CLNK: variants seen among roughly 807,000 people sequenced by gnomAD.
CLNK encodes the protein cytokine dependent hematopoietic cell linker, also known as cytokine-dependent hematopoietic cell linker.
Under a neutral mutation model 68.6 loss-of-function variants are expected in CLNK, and 74 were observed. The observed-to-expected ratio is 1.08, with a 90% CI of 0.89 to 1.31. The LOEUF is 1.31. Ranked by LOEUF, CLNK falls within the 50% of genes most tolerant of loss-of-function variation. CLNK has a pLI of 0.00. For synonymous variants in CLNK, 198 were observed against 172.2 expected (o/e 1.15, Z -1.17); for missense variants, 553 against 515.3 (o/e 1.07, Z -0.71).
At chr4:10,651,542 C>T (rs1351483900) in intron 2 of CLNK, among the ~76,000 whole-genome samples, 1 of 152,066 alleles carries the variant, frequency 6.6e-6, no homozygotes. Flanking sequence ...ACACTGGGGC[C>T]TGAATTTATG....
At chr4:10,511,946 T>C (rs140399649) in intron 16 of CLNK, among the ~76,000 whole-genome samples, 127 of 152,324 alleles carry the variant, frequency 8.3e-4, no homozygotes, top group African/African-American at 2.7e-3. Flanking sequence ...AGAGTAGTGA[T>C]ATAAAGTGAA....
At chr4:10,683,497 C>A (rs1725163956) in intron 1 of CLNK, among the ~76,000 whole-genome samples, 1 of 152,178 alleles carries the variant, frequency 6.6e-6, no homozygotes, top group Admixed American at 6.5e-5. Context: ...AATCAGTCAG[C>A]CAGGAAAATC....
intron 3 of CLNK, among the ~76,000 whole-genome samples, chr4:10,596,827 C>T (rs977392774): frequency 2.6e-5 from 4 of 152,032 alleles, no homozygotes; most frequent in African/African-American, 9.7e-5. Context: ...GTCTTTTTTC[C>T]TCCAAATGTA....
chr4:10,656,545 A>T (rs1723997830), intron 2 of CLNK: 1 of 152,172 alleles, frequency 6.6e-6, no homozygotes. Context: ...GTATGGAAGG[A>T]CTGGCATGAC....
chr4:10,709,075 A>T, the CLNK span, among the ~76,000 whole-genome samples: 2 of 152,232 alleles, frequency 1.3e-5, no homozygotes, highest in Admixed American at 6.5e-5. Flanking sequence ...TAAAAGCTTC[A>T]TATTAATAAG....
chr4:10,674,817 C>T (rs1223509335), intron 1 of CLNK, among the ~76,000 whole-genome samples: 1 of 152,182 alleles, frequency 6.6e-6, no homozygotes, highest in Non-Finnish European at 1.5e-5. Flanking sequence ...GATTTGATTT[C>T]ATTGTTCAAC....
chr4:10,684,625 A>G (rs1473661843), intron 1 of CLNK, 43 bp downstream of exon 1: 1 of 152,144 alleles, frequency 6.6e-6, no homozygotes, highest in Non-Finnish European at 1.5e-5. Flanking sequence ...CAAGGAGATG[A>G]CCATGAGATC....
chr4:10,540,717 C>G, intron 10 of CLNK, 113 bp from the exon 11 acceptor site: 3 of 721,764 alleles, frequency 4.2e-6, no homozygotes, highest in Admixed American at 4.8e-5. Flanking sequence ...GTTGAAAATG[C>G]TAGTTTTTGG....
chr4:10,524,117 G>T (rs1203532131), intron 14 of CLNK, among the ~76,000 whole-genome samples: 1 of 151,292 alleles, frequency 6.6e-6, no homozygotes, highest in African/African-American at 2.4e-5. Flanking sequence ...AGGAGGAGGA[G>T]GATGATATTG....
intron 2 of CLNK, among the ~76,000 whole-genome samples, chr4:10,663,026 C>G (rs1010357410): frequency 6.6e-6 from 1 of 152,214 alleles, no homozygotes; most frequent in Non-Finnish European, 1.5e-5. Flanking sequence ...AGGGCATTGG[C>G]TTACTGGAAA....
At chr4:10,614,430 C>T (rs1002109348) in intron 2 of CLNK, among the ~76,000 whole-genome samples, 13 of 152,210 alleles carry the variant, frequency 8.5e-5, no homozygotes, top group South Asian at 4.2e-4. Context: ...AACTCTCCTC[C>T]GCAGACTTAG....
intron 2 of CLNK, among the ~76,000 whole-genome samples, chr4:10,617,945 G>T (rs1451026444): frequency 1.3e-5 from 2 of 152,282 alleles, no homozygotes; most frequent in East Asian, 3.9e-4. Flanking sequence ...AAGAGGAAAT[G>T]AGCTTCTACA....
At chr4:10,566,719 C>T (rs1720129296) in intron 5 of CLNK, among the ~76,000 whole-genome samples, 1 of 152,010 alleles carries the variant, frequency 6.6e-6, no homozygotes, top group South Asian at 2.1e-4. Flanking sequence ...TGCGGTGGCT[C>T]ATGCTTGTAA....
intron 11 of CLNK, among the ~76,000 whole-genome samples, chr4:10,535,986 G>A (rs1016147418): frequency 1.3e-5 from 2 of 152,144 alleles, no homozygotes; most frequent in African/African-American, 4.8e-5. Context: ...GAATGACTGG[G>A]GTGACGTTTT....
chr4:10,700,337 G>A, the CLNK span, among the ~76,000 whole-genome samples: 1 of 152,162 alleles, frequency 6.6e-6, no homozygotes, highest in African/African-American at 2.4e-5. Flanking sequence ...ATAGCTAGCA[G>A]GAGGAACGTG....
chr4:10,617,094 C>A (rs1400814867), intron 2 of CLNK, among the ~76,000 whole-genome samples: 1 of 151,884 alleles, frequency 6.6e-6, no homozygotes, highest in Non-Finnish European at 1.5e-5. Flanking sequence ...AGTGAGTGCA[C>A]AATATAAGTT....
chr4:10,608,049 T>C (rs1171508405), intron 2 of CLNK, among the ~76,000 whole-genome samples: 1 of 152,212 alleles, frequency 6.6e-6, no homozygotes, highest in East Asian at 1.9e-4. Flanking sequence ...AAAATCCATG[T>C]ACTTGGAGAG....
the CLNK span, among the ~76,000 whole-genome samples, chr4:10,704,003 A>G: frequency 1.3e-5 from 2 of 152,222 alleles, no homozygotes; most frequent in African/African-American, 4.8e-5. Context: ...AGTGCTATGA[A>G]GAAATAGTAC....
intron 7 of CLNK, among the ~76,000 whole-genome samples, chr4:10,564,118 T>C (rs1376742424): frequency 6.6e-6 from 1 of 151,796 alleles, no homozygotes; most frequent in Non-Finnish European, 1.5e-5. Context: ...TTTTTTTTTT[T>C]TGAGACGGAG....
Sources: allele counts gnomAD v4.1 joint callset (sites outside exome capture counted in the v4.1 genomes callset), GRCh38; gene constraint gnomAD v4.1.1; transcripts MANE v1.5; gene names NCBI Gene and HGNC (gene_info 2026-07-23, HGNC 2026-07-21).